The following GALNT6 variants were observed in gnomAD, a reference collection of about 807,000 sequenced individuals.
GALNT6 encodes the protein GalNAc transferase 6.
A neutral mutation model predicts 65.9 loss-of-function variants in GALNT6; 51 were observed. That is an observed-to-expected ratio of 0.77 (90% CI 0.62 to 0.98). The LOEUF is 0.98. Ranked by LOEUF, GALNT6 falls within the 50% of genes least tolerant of loss-of-function variation. The probability of loss-of-function intolerance (pLI) is 0.00; values close to 1 mark genes in which losing one functional copy is unlikely to be tolerated. For synonymous variants in GALNT6, 323 were observed against 315.1 expected, an observed-to-expected ratio of 1.02 and a Z score of -0.26; for missense variants, 708 against 803.3, an observed-to-expected ratio of 0.88 and a Z score of 1.43.
At chr12:51,388,086 C>T (rs1440627356) in intron 2 of GALNT6, among the ~76,000 whole-genome samples, 2 of 152,182 alleles carry the variant, frequency 1.3e-5, no homozygotes, top group African/African-American at 2.4e-5. Flanking sequence ...CAGCCCCTGT[C>T]CCACTCTCAG....
At chr12:51,367,307 C>T (rs747672928) in intron 4 of GALNT6, among the ~76,000 whole-genome samples, 1 of 150,040 alleles carries the variant, frequency 6.7e-6, no homozygotes, top group Non-Finnish European at 1.5e-5. Flanking sequence ...TGGTGGCGCA[C>T]ACCTGTAAAC....
intron 10 of GALNT6, 83 bp from the exon 11 acceptor site, chr12:51,356,041 T>C (rs1268882095): frequency 7.8e-7 from 1 of 1,286,552 alleles, no homozygotes; most frequent in African/African-American, 1.5e-5. Context: ...CTACCATGCA[T>C]GGTCTCCTGG....
At chr12:51,355,984 G>A (rs1946733135) in intron 10 of GALNT6, 26 bp from the exon 11 acceptor site, 1 of 1,609,870 alleles carries the variant, frequency 6.2e-7, no homozygotes, top group Non-Finnish European at 8.5e-7. Flanking sequence ...AGAGAAGCAG[G>A]TGGAGAGTTC....
chr12:51,391,608 G>T (rs1948111667), upstream of GALNT6: 1 of 140,904 alleles, frequency 7.1e-6, no homozygotes, highest in Non-Finnish European at 1.6e-5. Flanking sequence ...TACCTGTCGC[G>T]CCGAGGCAAA....
chr12:51,372,359 C>T (rs759671872), intron 4 of GALNT6, among the ~76,000 whole-genome samples: 2 of 152,140 alleles, frequency 1.3e-5, no homozygotes, highest in Non-Finnish European at 2.9e-5. Context: ...CAGGCACATA[C>T]CACCATGCCC....
intron 4 of GALNT6, among the ~76,000 whole-genome samples, chr12:51,368,278 G>T (rs1327108832): frequency 1.3e-5 from 2 of 152,098 alleles, no homozygotes; most frequent in Non-Finnish European, 2.9e-5. Flanking sequence ...GGAGGGAAAG[G>T]GAGAGAAAGG....
At chr12:51,388,983 C>T (rs1732000416) in intron 2 of GALNT6, among the ~76,000 whole-genome samples, 1 of 152,226 alleles carries the variant, frequency 6.6e-6, no homozygotes, top group South Asian at 2.1e-4. Flanking sequence ...AGTCTTCTAA[C>T]AGTCCTTCTC....
At chr12:51,369,458 C>G (rs1018810392) in intron 4 of GALNT6, among the ~76,000 whole-genome samples, 1 of 152,202 alleles carries the variant, frequency 6.6e-6, no homozygotes, top group Non-Finnish European at 1.5e-5. Context: ...CTCATGTCCC[C>G]GCCGTGACAG....
At chr12:51,376,073 C>T (rs1363551677) in intron 4 of GALNT6, among the ~76,000 whole-genome samples, 1 of 151,964 alleles carries the variant, frequency 6.6e-6, no homozygotes, top group East Asian at 2.0e-4. Context: ...CCATGTTGGC[C>T]AGGCTGGTCT....
intron 3 of GALNT6, 61 bp from the exon 4 acceptor site, chr12:51,377,428 G>A (rs566005962): frequency 8.1e-6 from 12 of 1,483,864 alleles, no homozygotes; most frequent in Non-Finnish European, 1.1e-5. Context: ...GGTGTGGGGA[G>A]GGCCCCATCC....
At chr12:51,375,223 G>A (rs536203114) in intron 4 of GALNT6, among the ~76,000 whole-genome samples, 4 of 152,138 alleles carry the variant, frequency 2.6e-5, no homozygotes, top group African/African-American at 9.6e-5. Flanking sequence ...CTAAGCTTCA[G>A]CCACACCAGA....
chr12:51,364,400 G>A, intron 5 of GALNT6, 45 bp from the exon 6 acceptor site: 4 of 1,370,720 alleles, frequency 2.9e-6, no homozygotes, highest in Non-Finnish European at 4.2e-6. Context: ...CCTGCCCACA[G>A]CAGAGCCCAA....
At chr12:51,379,928 G>A in intron 2 of GALNT6, 44 bp from the exon 3 acceptor site, 2 of 828,148 alleles carry the variant, frequency 2.4e-6, no homozygotes, top group Non-Finnish European at 3.7e-6. Flanking sequence ...CCAACACAGG[G>A]TAAGGAGGGA....
chr12:51,370,113 T>C (rs1161063809), intron 4 of GALNT6, among the ~76,000 whole-genome samples: 2 of 152,212 alleles, frequency 1.3e-5, no homozygotes, highest in Non-Finnish European at 2.9e-5. Context: ...AGCAGAGACT[T>C]GGATATTTGC....
At chr12:51,366,999 C>T (rs1033633147) in intron 4 of GALNT6, among the ~76,000 whole-genome samples, 1 of 152,132 alleles carries the variant, frequency 6.6e-6, no homozygotes, top group African/African-American at 2.4e-5. Flanking sequence ...CGCGCTGGCT[C>T]ATGGCTGTAA....
At chr12:51,361,283 A>G (rs558496280) in intron 6 of GALNT6, among the ~76,000 whole-genome samples, 20 of 152,372 alleles carry the variant, frequency 1.3e-4, no homozygotes, top group African/African-American at 4.6e-4. Flanking sequence ...GTTTTTGAAA[A>G]TAGGCAGGAT....
intron 2 of GALNT6, among the ~76,000 whole-genome samples, chr12:51,384,872 G>A (rs1196607714): frequency 2.6e-5 from 4 of 152,028 alleles, no homozygotes; most frequent in African/African-American, 9.7e-5. Context: ...GCAATAGAGC[G>A]AGACCCTGTC....
In GALNT6 at chr12:51,357,393, T is replaced by TC. The variant is rs748677519; in HGVS notation, c.1557dup (p.Lys520GlufsTer18). 7.4e-6 allele frequency: 12 copies of TC among 1,613,626 alleles called. 1 individual carries two copies. Among genetic ancestry groups the TC allele is most frequent in the Non-Finnish European group, 1.0e-5 (12 of 1,179,880 alleles). ...TGGCAGGAGTACATGATGAGGGGCT[T>TC]CCCCCCGCGGTTGTTCTCACCCACA... is the stretch of plus-strand genomic sequence containing the variant. On this transcript the variant is annotated frameshift_variant, in exon 10 of 12. Transcript: ENST00000356317. LOFTEE classifies it high-confidence loss of function.
intron 6 of GALNT6, among the ~76,000 whole-genome samples, chr12:51,363,735 T>A (rs1038670163): frequency 6.6e-6 from 1 of 152,222 alleles, no homozygotes; most frequent in African/African-American, 2.4e-5. Flanking sequence ...TCTTGCCCCA[T>A]CTGCAAGCAT....
Sources: gnomAD v4.1 joint callset for allele counts (sites outside exome capture counted in the v4.1 genomes callset) on GRCh38, gnomAD v4.1.1 for gene constraint, MANE v1.5 for transcripts, NCBI Gene and HGNC (gene_info 2026-07-23, HGNC 2026-07-21) for gene names.